Variants in EPG5 observed in about 807,000 individuals in gnomAD.
The protein encoded by EPG5 is ectopic P granules protein 5 homolog.
A neutral mutation model predicts 302.7 loss-of-function variants in EPG5; 159 were observed. The observed-to-expected ratio is 0.53, with a 90% CI of 0.46 to 0.60. The LOEUF is 0.60. Among genes scored for constraint, EPG5 ranks in the 20% least tolerant of loss-of-function variants. The probability of loss-of-function intolerance (pLI) is 0.00; values close to 1 mark genes in which losing one functional copy is unlikely to be tolerated. For synonymous variants in EPG5, 1,158 were observed against 1,136.8 expected, an observed-to-expected ratio of 1.02 and a Z score of -0.37; for missense variants, 2,896 against 3,092.4, an observed-to-expected ratio of 0.94 and a Z score of 1.51.
At position 45,967,311 on chromosome 18, in the gene EPG5, G is replaced by T; in HGVS notation, c.-72C>A. On this transcript the variant is annotated 5_prime_UTR_variant, in exon 1 of 44. Coordinates refer to ENST00000282041, the MANE Select transcript of EPG5 (RefSeq NM_020964.3). ...CGCTTCAAGCAACCTGCCCGGTTCTGGCCTCCGGACTGTCACATGATCGAA... is the reference window on the plus strand; with the variant it reads ...CGCTTCAAGCAACCTGCCCGGTTCTTGCCTCCGGACTGTCACATGATCGAA... The T allele has an allele frequency of 2.8e-6, 4 of 1,416,456 alleles. No individual in the cohort carries two copies. Among genetic ancestry groups the T allele is most frequent in the Non-Finnish European group, 3.8e-6 (4 of 1,059,186 alleles). The allele number at this position is 1,416,456 out of a possible 1,614,324, so 87.7% of individuals were successfully genotyped here.
Position 45,887,771 on chromosome 18 carries a change from A to G in EPG5, c.5089T>C (p.Cys1697Arg), listed in dbSNP as rs1413706863. Residue 1697 changes from cysteine to arginine, a missense_variant, in exon 29 of 44, where the codon TGT (cysteine) becomes CGT (arginine). Cys to Arg is a radical substitution (Grantham distance 180). Around this residue, in one of 5 missense-constraint regions of EPG5, gnomAD observed 790 missense variants for 798.0 expected, o/e 0.99. Coordinates refer to ENST00000282041, the MANE Select transcript of EPG5 (RefSeq NM_020964.3). ...HPPTRQFFTSCIEILGQVFIS... is the reference protein window; with the variant it reads ...HPPTRQFFTSRIEILGQVFIS... ...CTTACCTGTCCCAAGATCTCAATAC[A>G]TGAAGTAAAGAACTGCCTTGTTGGG... The G allele has an allele frequency of 1.3e-6, 2 of 1,580,450 alleles. No homozygotes were observed. The highest frequency in any genetic ancestry group is 2.7e-5 in the African/African-American group (2 of 74,350).
chr18:45,828,072 G>A, the EPG5 span, among the ~76,000 whole-genome samples: 2 of 152,182 alleles, frequency 1.3e-5, no homozygotes, highest in African/African-American at 4.8e-5. Context: ...CTCTTCTTCT[G>A]GGAGCCTCTC....
chr18:45,936,500 G>C (rs2050526485), intron 10 of EPG5, among the ~76,000 whole-genome samples: 1 of 152,122 alleles, frequency 6.6e-6, no homozygotes, highest in East Asian at 1.9e-4. Context: ...GGCTGAGGCG[G>C]GCAAATCACT....
At chr18:45,838,992 C>T in the EPG5 span, 173 of 1,598,138 alleles carry the variant, frequency 1.1e-4, 1 homozygote, top group African/African-American at 2.1e-3. Flanking sequence ...GCTTCCATGG[C>T]GCCAGCGGGG....
intron 42 of EPG5, chr18:45,857,622 T>C: frequency 2.0e-6 from 1 of 495,108 alleles, no homozygotes; most frequent in Non-Finnish European, 3.6e-6. Context: ...CTATTAAAAA[T>C]ACTGTTTGAA....
At chr18:45,831,807 G>T in the EPG5 span, among the ~76,000 whole-genome samples, 1 of 150,418 alleles carries the variant, frequency 6.6e-6, no homozygotes, top group African/African-American at 2.5e-5. Flanking sequence ...GGGCAATCTC[G>T]GCTCACTGCA....
intron 38 of EPG5, among the ~76,000 whole-genome samples, chr18:45,866,467 C>T (rs369328749): frequency 6.6e-6 from 1 of 152,264 alleles, no homozygotes; most frequent in East Asian, 1.9e-4. Flanking sequence ...GAGGGACTTG[C>T]CCTGTCAAGC....
the EPG5 span, among the ~76,000 whole-genome samples, chr18:45,832,132 T>C: frequency 6.6e-6 from 1 of 152,246 alleles, no homozygotes; most frequent in East Asian, 1.9e-4. Context: ...CTAACACATA[T>C]GGAGCATTTG....
At chr18:45,952,342 A>T in intron 3 of EPG5, 58 bp downstream of exon 3, 1 of 1,587,890 alleles carries the variant, frequency 6.3e-7, no homozygotes, top group Non-Finnish European at 8.5e-7. Flanking sequence ...ACCAGGCTAT[A>T]CCCCTCAATT....
the EPG5 span, among the ~76,000 whole-genome samples, chr18:45,839,375 C>T: frequency 6.6e-6 from 1 of 152,192 alleles, no homozygotes; most frequent in East Asian, 1.9e-4. Flanking sequence ...AACTCTAGAG[C>T]CGTCCCTTTG....
intron 35 of EPG5, among the ~76,000 whole-genome samples, chr18:45,874,036 G>C (rs1337749446): frequency 2.0e-5 from 3 of 152,210 alleles, no homozygotes; most frequent in Non-Finnish European, 4.4e-5. Flanking sequence ...AGAGCGCAGA[G>C]GATTTTTAAG....
chr18:45,844,254 CA>C (rs1389357778), downstream of EPG5, among the ~76,000 whole-genome samples: 2 of 151,894 alleles, frequency 1.3e-5, no homozygotes, highest in Non-Finnish European at 2.9e-5. Flanking sequence ...TAATGGTTAC[CA>C]GGGGCTGGGA....
the EPG5 span, chr18:45,825,760 T>G: frequency 2.9e-4 from 473 of 1,614,246 alleles, 4 homozygotes; most frequent in East Asian, 9.8e-3. Flanking sequence ...CTGGCCTGCT[T>G]GGCGTGGGTT....
chr18:45,960,714 A>G (rs1391275206), intron 1 of EPG5, among the ~76,000 whole-genome samples: 1 of 152,202 alleles, frequency 6.6e-6, no homozygotes, highest in Non-Finnish European at 1.5e-5. Context: ...TTTCCAGGAG[A>G]TGGAATTCTG....
In EPG5 at chr18:45,910,651, C is replaced by G; in HGVS notation, c.4075G>C (p.Val1359Leu). 1 of 1,614,184 alleles carries G rather than the reference C, an allele frequency of 6.2e-7. No homozygotes were observed. Among genetic ancestry groups the G allele is most frequent in the Non-Finnish European group, 8.5e-7 (1 of 1,180,038 alleles). Residue 1359 changes from valine to leucine, a missense_variant, in exon 23 of 44, where the codon GTG becomes CTG. Val to Leu is a conservative substitution (Grantham distance 32). This residue lies in a region of EPG5 where 790 missense variants were observed against 798.0 expected (regional missense o/e 0.99). Transcript: ENST00000282041. The stretch of plus-strand genomic sequence containing the variant: ...CTTGCAGCATGGTGGAAGTCAGCCA[C>G]CTCGGTCAAACGTCTCTTCATTTCT... ...LKEMKRRLTE[V>L]ADFHHAASKA...
chr18:45,916,405 G>T, intron 18 of EPG5, 33 bp downstream of exon 18: 1 of 1,595,842 alleles, frequency 6.3e-7, no homozygotes, highest in South Asian at 1.1e-5. Context: ...GAAGACAGGC[G>T]GGAGTGTGCT....
chr18:45,951,218 T>C lies in EPG5; in HGVS notation c.1273A>G (p.Ile425Val), dbSNP rs2050900856. Residue 425 changes from isoleucine (I) to valine (V), a missense_variant, in exon 4 of 44, where the codon ATT (isoleucine) becomes GTT (valine). By Grantham distance (29) the Ile-to-Val change is conservative. This residue lies in a region of EPG5 where 1,390 missense variants were observed against 1,430.0 expected (regional missense o/e 0.97). Transcript: ENST00000282041. ...QGRASKQTES[I>V]PSDLCQLKEC... ...TTTAGTTGACACAGATCAGAGGGAA[T>C]GCTTTCTGTCTGCTTAGACGCTGTA... 6.4e-7 allele frequency: 1 copy of C among 1,567,022 alleles called. No individual in the cohort carries two copies. The highest frequency in any genetic ancestry group is 8.6e-7 in the Non-Finnish European group (1 of 1,159,796).
Position 45,951,141 on chromosome 18 carries a change from A to C in EPG5, c.1350T>G (p.Thr450=), listed in dbSNP as rs190807960. 1 of 1,594,828 alleles carries C rather than the reference A, an allele frequency of 6.3e-7. No individual in the cohort carries two copies. The highest frequency in any genetic ancestry group is 1.3e-5 in the African/African-American group (1 of 74,450). Residue 450 remains threonine (T), a synonymous_variant, in exon 4 of 44, where the codon ACT becomes ACG. Transcript: ENST00000282041. ...AGAGAAGAATATCATCATGAAACTG[A>C]GTATCTTCATTAACTCTCCTGGTGA... is the stretch of plus-strand genomic sequence containing the variant. ...FMFTRRVNED[T]QFHDDILLWL...
the EPG5 span, chr18:45,837,667 C>A: frequency 3.3e-6 from 5 of 1,495,276 alleles, no homozygotes; most frequent in Non-Finnish European, 3.5e-6. Context: ...CCTATGCGGG[C>A]CCGCAGGTGT....
Sources: gnomAD v4.1 joint callset for allele counts (sites outside exome capture counted in the v4.1 genomes callset) on GRCh38, gnomAD v4.1.1 for gene constraint, gnomAD v4.1.1 regional missense constraint, MANE v1.5 for transcripts, NCBI Gene and HGNC (gene_info 2026-07-23, HGNC 2026-07-21) for gene names.